Variants in RNF8 observed in about 807,000 individuals in gnomAD.
RNF8 encodes the protein E3 ubiquitin-protein ligase RNF8.
A neutral mutation model predicts 59.3 loss-of-function variants in RNF8; 8 were observed. That is an observed-to-expected ratio of 0.13 (90% CI 0.08 to 0.24). The LOEUF is 0.24. Ranked by LOEUF, RNF8 falls within the 10% of genes least tolerant of loss-of-function variation. The probability of loss-of-function intolerance (pLI) is 1.00; values close to 1 mark genes in which losing one functional copy is unlikely to be tolerated. For synonymous variants in RNF8, 162 were observed against 200.0 expected, an observed-to-expected ratio of 0.81 and a Z score of 1.60; for missense variants, 406 against 572.6, an observed-to-expected ratio of 0.71 and a Z score of 2.97.
chr6:37,393,208 C>T lies in RNF8; in HGVS notation c.*2450C>T, dbSNP rs576968503. 2.0e-5 allele frequency: 3 copies of T among 152,354 alleles called. No homozygotes were observed. Among genetic ancestry groups the T allele is most frequent in the African/African-American group, 7.2e-5 (3 of 41,570 alleles). The allele number at this position is 152,354 out of a possible 1,614,324, so 9.4% of individuals were successfully genotyped here. A position where few individuals can be genotyped will look rare whatever the true frequency, so the allele number is the denominator to read the frequency against. ...TGAATCTTGGCCCTGCTGTTAGTAA[C>T]TGTGTGAGCCTTGGGCAAGTTACTC... On this transcript the variant is annotated 3_prime_UTR_variant, in exon 8 of 8. Coordinates refer to ENST00000373479, the MANE Select transcript of RNF8 (RefSeq NM_003958.4).
Position 37,391,048 on chromosome 6 carries a change from T to C in RNF8, c.*290T>C, listed in dbSNP as rs2113837688. On this transcript the variant is annotated 3_prime_UTR_variant, in exon 8 of 8. Coordinates refer to ENST00000373479, the MANE Select transcript of RNF8 (RefSeq NM_003958.4). The stretch of plus-strand genomic sequence containing the variant: ...GAGTTATTTGAGTTCTCTTCTGTTT[T>C]TTTTTAATTTGTTGTTGTTGTTACT... 1 of 561,838 alleles carries C rather than the reference T, an allele frequency of 1.8e-6. No individual in the cohort carries two copies. Among genetic ancestry groups the C allele is most frequent in the East Asian group, 3.0e-5 (1 of 33,578 alleles). The allele number at this position is 561,838 out of a possible 1,614,324, so 34.8% of individuals were successfully genotyped here. A position where few individuals can be genotyped will look rare whatever the true frequency, so the allele number is the denominator to read the frequency against.
chr6:37,354,405 A>G, intron 1 of RNF8, 130 bp downstream of exon 1: 1 of 642,914 alleles, frequency 1.6e-6, no homozygotes, highest in Non-Finnish European at 2.5e-6. Context: ...AGAGGAGCGA[A>G]GTGTCTGTGG....
intron 6 of RNF8, among the ~76,000 whole-genome samples, chr6:37,378,376 G>A (rs377459731): frequency 2.0e-5 from 3 of 152,044 alleles, no homozygotes; most frequent in East Asian, 1.9e-4. Context: ...CAAGGTGGGC[G>A]GATCACCTGA....
intron 1 of RNF8, among the ~76,000 whole-genome samples, chr6:37,355,148 G>A (rs1279069989): frequency 2.0e-5 from 3 of 152,292 alleles, no homozygotes; most frequent in Non-Finnish European, 2.9e-5. Context: ...CACCAGCGTG[G>A]TGCATCTTGA....
At chr6:37,361,599 T>C (rs1298162001) in intron 2 of RNF8, 1 of 319,524 alleles carries the variant, frequency 3.1e-6, no homozygotes, top group Non-Finnish European at 6.1e-6. Context: ...GTTTAGGAAG[T>C]ATAACATGTC....
intron 5 of RNF8, among the ~76,000 whole-genome samples, chr6:37,375,221 TATTGG>T (rs1008317406): frequency 1.3e-5 from 2 of 152,194 alleles, no homozygotes; most frequent in Non-Finnish European, 2.9e-5. Flanking sequence ...GGCTATGGCT[TATTGG>T]ATGGGGTACT....
At chr6:37,385,033 G>A (rs1770433873) in intron 7 of RNF8, among the ~76,000 whole-genome samples, 1 of 150,682 alleles carries the variant, frequency 6.6e-6, no homozygotes, top group South Asian at 2.1e-4. Context: ...TTTTTTTTGA[G>A]ATGGCGTTTC....
chr6:37,360,448 G>A lies in RNF8; in HGVS notation c.114G>A (p.Val38=). The change falls in exon 2 of 8, where the codon GTG becomes GTA. Residue 38 remains valine, a splice_region_variant and synonymous_variant. Coordinates refer to ENST00000373479, the MANE Select transcript of RNF8 (RefSeq NM_003958.4). The surrounding 1 kb of genome is among the most constrained non-coding windows in gnomAD (Gnocchi z 4.2). ...GWLLLEDGCE[V]TVGRGFGVTY... is the part of the protein sequence containing the mutation. ...CTTGCATTGTTGTTGTCTCCCAGGT[G>A]ACTGTAGGACGAGGATTTGGTGTCA... The A allele has an allele frequency of 6.2e-7, 1 of 1,613,676 alleles. No individual in the cohort carries two copies.
intron 6 of RNF8, among the ~76,000 whole-genome samples, chr6:37,380,650 G>A (rs1435073638): frequency 1.2e-4 from 18 of 147,510 alleles, no homozygotes; most frequent in African/African-American, 4.5e-4. Flanking sequence ...CAGCCTGGGG[G>A]ACAGAGTGAG....
At chr6:37,381,705 A>G (rs1252863914) in intron 7 of RNF8, among the ~76,000 whole-genome samples, 2 of 152,234 alleles carry the variant, frequency 1.3e-5, no homozygotes, top group African/African-American at 4.8e-5. Context: ...GTTGCTGTCC[A>G]GGTGTTGAAA....
At position 37,360,474 on chromosome 6, in the gene RNF8, C is replaced by T. The variant is rs1427659923; in HGVS notation, c.140C>T (p.Thr47Ile). The change falls in exon 2 of 8, where the codon ACA (threonine) becomes ATA (isoleucine). Residue 47 changes from threonine (T) to isoleucine (I), a missense_variant. Coordinates refer to ENST00000373479, the MANE Select transcript of RNF8 (RefSeq NM_003958.4). The surrounding 1 kb of genome is among the most constrained non-coding windows in gnomAD (Gnocchi z 4.2). Reference protein sequence around the residue: ...EVTVGRGFGVTYQLVSKICPL... With the variant: ...EVTVGRGFGVIYQLVSKICPL... ...ACTGTAGGACGAGGATTTGGTGTCA[C>T]ATACCAACTGGTATCAAAAATCTGC... 1.2e-6 allele frequency: 2 copies of T among 1,613,978 alleles called. No individual in the cohort carries two copies. Among genetic ancestry groups the T allele is most frequent in the Non-Finnish European group, 1.7e-6 (2 of 1,179,904 alleles).
chr6:37,375,206 GTGCGGGC>G (rs1769962351), intron 5 of RNF8, among the ~76,000 whole-genome samples: 1 of 152,174 alleles, frequency 6.6e-6, no homozygotes, highest in Admixed American at 6.5e-5. Flanking sequence ...GTAGGGAGCT[GTGCGGGC>G]TATGGCTTAT....
intron 1 of RNF8, among the ~76,000 whole-genome samples, chr6:37,355,666 A>T (rs1191803157): frequency 6.6e-6 from 1 of 152,148 alleles, no homozygotes; most frequent in African/African-American, 2.4e-5. Context: ...ATAAAGGGTT[A>T]CTTGTATGCT....
rs9470565 is a variant in RNF8 at position 37,373,458 on chromosome 6, G to A, written c.1039-1162G>A. On this transcript the variant is annotated intron_variant, in intron 4 of 7. Coordinates refer to ENST00000373479, the MANE Select transcript of RNF8 (RefSeq NM_003958.4). ...GTCTCGTTCTGTCACCCAGGCTGGA[G>A]TGCAGTGGTGCAATCTCAGCTCACT... Among the ~76,000 whole-genome samples, 1,423 of 152,246 alleles carry A rather than the reference G, an allele frequency of 9.3e-3. 27 individuals carry two copies. The highest frequency in any genetic ancestry group is 0.031 in the African/African-American group (1,307 of 41,546).
intron 7 of RNF8, among the ~76,000 whole-genome samples, chr6:37,382,572 G>A (rs1009379105): frequency 4.6e-5 from 7 of 152,236 alleles, no homozygotes; most frequent in Non-Finnish European, 7.4e-5. Context: ...CAGCTGAGTC[G>A]GGGGACGGGG....
chr6:37,366,833 T>C (rs1769575350), intron 2 of RNF8, among the ~76,000 whole-genome samples: 1 of 152,248 alleles, frequency 6.6e-6, no homozygotes, highest in African/African-American at 2.4e-5. Context: ...CGGGTTAAAA[T>C]GCTCACCAGT....
chr6:37,377,943 C>T (rs559415995), intron 6 of RNF8, among the ~76,000 whole-genome samples: 26 of 152,290 alleles, frequency 1.7e-4, no homozygotes, highest in African/African-American at 6.0e-4. Context: ...GTGACCAGTT[C>T]ACCTTAGACC....
intron 7 of RNF8, among the ~76,000 whole-genome samples, chr6:37,383,748 G>T (rs1770373395): frequency 6.6e-6 from 1 of 152,314 alleles, no homozygotes; most frequent in Admixed American, 6.5e-5. Flanking sequence ...GGAGATGGAT[G>T]CTCTGGAGCT....
chr6:37,381,389 AG>A, intron 7 of RNF8, 35 bp downstream of exon 7: 1 of 1,579,456 alleles, frequency 6.3e-7, no homozygotes, highest in Non-Finnish European at 8.7e-7. Flanking sequence ...CCCTCAAGAA[AG>A]GACTTATTTA....
Sources: gnomAD v4.1 joint callset for allele counts (sites outside exome capture counted in the v4.1 genomes callset) on GRCh38, gnomAD v4.1.1 for gene constraint, Gnocchi (gnomAD v3.1) non-coding constraint, MANE v1.5 for transcripts, NCBI Gene and HGNC (gene_info 2026-07-23, HGNC 2026-07-21) for gene names.